The following ADGRB2 variants were observed in gnomAD, a reference collection of about 807,000 sequenced individuals.
The protein encoded by ADGRB2 is brain-specific angiogenesis inhibitor 2.
A neutral mutation model predicts 178.7 loss-of-function variants in ADGRB2; 47 were observed. The observed-to-expected ratio is 0.26, with a 90% CI of 0.21 to 0.34. The LOEUF (loss-of-function observed/expected upper bound fraction) is 0.34. Ranked by LOEUF, ADGRB2 falls within the 10% of genes least tolerant of loss-of-function variation. The pLI is 1.00. For synonymous variants in ADGRB2, 870 were observed against 912.4 expected (o/e 0.95, Z 0.84); for missense variants, 1,584 against 2,180.8 (o/e 0.73, Z 5.45).
chr1:31,755,795 C>T lies in ADGRB2; in HGVS notation c.838+204G>A, dbSNP rs1646800919. On this transcript the variant is annotated intron_variant, in intron 4 of 32. Coordinates refer to ENST00000373658, the MANE Select transcript of ADGRB2 (RefSeq NM_001364857.2). This position sits in a 1 kb window ranked among gnomAD's most constrained non-coding sequence, Gnocchi z 5.1. ...CCCTGCATTATCTGATCTGTGCCCC[C>T]ATTCATCTAGCCAGTCTGCAAACTC... Among the ~76,000 whole-genome samples the T allele has an allele frequency of 6.6e-6, 1 of 152,086 alleles. No individual in the cohort carries two copies.
chr1:31,739,728 A>G, intron 14 of ADGRB2, 93 bp from the exon 15 acceptor site: 1 of 1,414,446 alleles, frequency 7.1e-7, no homozygotes. Flanking sequence ...GGAAACACGT[A>G]CCAGGAAAGG....
At chr1:31,746,021 T>C (rs2148990360) in intron 4 of ADGRB2, among the ~76,000 whole-genome samples, 1 of 152,304 alleles carries the variant, frequency 6.6e-6, no homozygotes, top group East Asian at 1.9e-4. Context: ...CTCTGAAACC[T>C]GGACTCCCAG....
chr1:31,734,604 G>C (rs1645470547), intron 25 of ADGRB2, among the ~76,000 whole-genome samples: 1 of 152,184 alleles, frequency 6.6e-6, no homozygotes, highest in Non-Finnish European at 1.5e-5. Context: ...GGTCTTTGTG[G>C]ATTTGTTTTA....
chr1:31,745,531 G>A (rs906908790), intron 4 of ADGRB2, among the ~76,000 whole-genome samples: 2 of 152,206 alleles, frequency 1.3e-5, no homozygotes, highest in Admixed American at 6.5e-5. Flanking sequence ...TCCAAAGCCT[G>A]GCCCTCCTGC....
intron 3 of ADGRB2, among the ~76,000 whole-genome samples, 188 bp downstream of exon 3, chr1:31,757,013 T>C (rs1430496226): frequency 6.6e-6 from 1 of 152,196 alleles, no homozygotes; most frequent in African/African-American, 2.4e-5. Context: ...AATGGACCAA[T>C]GATAGGACCT....
rs532837304 is a variant in ADGRB2 at position 31,728,685 on chromosome 1, C to T, written c.4381-52G>A. 329 of 1,603,768 alleles carry T rather than the reference C, an allele frequency of 2.1e-4. 1 individual carries two copies. The South Asian group carries it at 2.7e-3, about 13-fold the overall frequency. On this transcript the variant is annotated intron_variant, in intron 29 of 32. Transcript: ENST00000373658. This position sits in a 1 kb window ranked among gnomAD's most constrained non-coding sequence, Gnocchi z 6.7. ...GGAGGAGAAGAAAGCTTTTTACCAC[C>T]GGCAGGGGCTTTAGAGACAGGAAGC...
intron 18 of ADGRB2, 142 bp from the exon 19 acceptor site, chr1:31,737,897 G>C (rs1645711070): frequency 1.2e-6 from 1 of 818,856 alleles, no homozygotes; most frequent in African/African-American, 1.7e-5. Flanking sequence ...TGTATGCACA[G>C]AACAGACCCG....
chr1:31,727,345 T>C lies in ADGRB2; in HGVS notation c.*75A>G, dbSNP rs1645038712. 2 of 1,475,900 alleles carry C rather than the reference T, an allele frequency of 1.4e-6. No homozygotes were observed. Among genetic ancestry groups the C allele is most frequent in the South Asian group, 1.4e-5 (1 of 71,984 alleles). 91.4% of individuals were successfully genotyped at this position (1,475,900 alleles called of 1,614,324 possible). The stretch of plus-strand genomic sequence containing the variant: ...GGAGAGGGGAGAGGGCGCTGGCTCC[T>C]GGGTAGTTCCAAAGTGGAGTGTGAA... On this transcript the variant is annotated 3_prime_UTR_variant, in exon 33 of 33. Transcript: ENST00000373658. This position sits in a 1 kb window ranked among gnomAD's most constrained non-coding sequence, Gnocchi z 4.4.
At chr1:31,752,770 G>GCCCCCT in intron 4 of ADGRB2, among the ~76,000 whole-genome samples, 1 of 152,200 alleles carries the variant, frequency 6.6e-6, no homozygotes, top group African/African-American at 2.4e-5. Context: ...CTCGATCAGG[G>GCCCCCT]GGTGACACAC....
chr1:31,728,188 C>G lies in ADGRB2; in HGVS notation c.4509G>C (p.Thr1503=). The change falls in exon 31 of 33, where the codon ACG becomes ACC. Residue 1503 remains threonine (T), a synonymous_variant. Transcript: ENST00000373658. The surrounding 1 kb of genome is among the most constrained non-coding windows in gnomAD (Gnocchi z 6.7). ...HTFDRYRSQS[T]AKREKRWSVS... ...CCACGGGAGGAGCCCTCACCTTGGCCGTGGACTGGCTGCGGTAGCGGTCGA... is the reference window on the plus strand; with the variant it reads ...CCACGGGAGGAGCCCTCACCTTGGCGGTGGACTGGCTGCGGTAGCGGTCGA... The G allele has an allele frequency of 6.2e-7, 1 of 1,614,148 alleles. No individual in the cohort carries two copies. The highest frequency in any genetic ancestry group is 8.5e-7 in the Non-Finnish European group (1 of 1,180,010).
In ADGRB2 at chr1:31,732,558, C is replaced by G. The variant is rs1285320444; in HGVS notation, c.3679G>C (p.Asp1227His). Residue 1227 changes from aspartate (D) to histidine (H), a missense_variant, in exon 27 of 33, where the codon GAC becomes CAC. Asp to His is a moderately conservative substitution (Grantham distance 81). Transcript: ENST00000373658. ...MGVCRADESE[D>H]SPDSCKNGQL... is the part of the protein sequence containing the mutation. ...CCGTTCTTACACGAGTCAGGGGAGT[C>G]TTCGCTCTCATCAGCCCGGCACACC... 2 of 1,614,174 alleles carry G rather than the reference C, an allele frequency of 1.2e-6. No individual in the cohort carries two copies. Among genetic ancestry groups the G allele is most frequent in the Admixed American group, 1.7e-5 (1 of 60,032 alleles).
At position 31,744,157 on chromosome 1, in the gene ADGRB2, T is replaced by C; in HGVS notation, c.1087+36A>G. 2 of 1,495,508 alleles carry C rather than the reference T, an allele frequency of 1.3e-6. No individual in the cohort carries two copies. Among genetic ancestry groups the C allele is most frequent in the Non-Finnish European group, 1.8e-6 (2 of 1,117,730 alleles). 92.6% of individuals were successfully genotyped at this position (1,495,508 alleles called of 1,614,324 possible). ...CCAAGTCCCAGGCAGGACCTAACCC[T>C]GCAGGCAGGTGGGGTGGGGAGGAGG... On this transcript the variant is annotated intron_variant, in intron 6 of 32. Transcript: ENST00000373658. The surrounding 1 kb of genome is among the most constrained non-coding windows in gnomAD (Gnocchi z 6.7).
In ADGRB2 at chr1:31,744,251, G is replaced by A. The variant is rs1343574637; in HGVS notation, c.1029C>T (p.Thr343=). The A allele has an allele frequency of 1.1e-5, 17 of 1,550,338 alleles. No individual in the cohort carries two copies. The highest frequency in any genetic ancestry group is 1.4e-5 in the Non-Finnish European group (16 of 1,146,284). Residue 343 remains threonine (T), a synonymous_variant, in exon 6 of 33, where the codon ACC becomes ACT. Transcript: ENST00000373658. This position sits in a 1 kb window ranked among gnomAD's most constrained non-coding sequence, Gnocchi z 6.7. ...TRSCVSSPYG[T]LCSGPLRETR... is the part of the protein sequence containing the mutation. The stretch of plus-strand genomic sequence containing the variant: ...TCTCCCGCAGGGGCCCGCTGCACAG[G>A]GTCCCATAGGGGGAGGACACACAGG...
rs367949844 is a variant in ADGRB2, at chr1:31,735,689, G to A, written c.3268-24C>T. ...ACCTGGGGGCCCAGTAGAGTGGAGT[G>A]GGGGAGACAGGATCACCAGGTGCCC... On this transcript the variant is annotated intron_variant, in intron 23 of 32. Transcript: ENST00000373658. This position sits in a 1 kb window ranked among gnomAD's most constrained non-coding sequence, Gnocchi z 6.0. 1.7e-5 allele frequency: 27 copies of A among 1,579,228 alleles called. No homozygotes were observed. The highest frequency in any genetic ancestry group is 5.1e-5 in the Admixed American group (3 of 58,366).
chr1:31,751,651 T>C (rs1051089898), intron 4 of ADGRB2, among the ~76,000 whole-genome samples: 1 of 152,220 alleles, frequency 6.6e-6, no homozygotes, highest in Non-Finnish European at 1.5e-5. Context: ...TTCAGATAAA[T>C]GATACTCTTT....
Position 31,756,230 on chromosome 1 carries a change from G to A in ADGRB2, c.607C>T (p.Arg203Cys), listed in dbSNP as rs764225428. 2.5e-6 allele frequency: 4 copies of A among 1,613,584 alleles called. No individual in the cohort carries two copies. Among genetic ancestry groups the A allele is most frequent in the Admixed American group, 3.3e-5 (2 of 60,034 alleles). ...SSQFTCGVLC[R>C]WSEECGRAAG... ...GCGCGGCCACACTCCTCACTCCAGC[G>A]GCAGAGCACACCACAGGTGAATTGG... The change falls in exon 4 of 33, where the codon CGC becomes TGC. Residue 203 changes from arginine (R) to cysteine (C), a missense_variant. Around this residue, in one of 3 missense-constraint regions of ADGRB2, gnomAD observed 657 missense variants for 847.6 expected, o/e 0.78. Coordinates refer to ENST00000373658, the MANE Select transcript of ADGRB2 (RefSeq NM_001364857.2). The surrounding 1 kb of genome is among the most constrained non-coding windows in gnomAD (Gnocchi z 8.5).
Position 31,753,479 on chromosome 1 carries a change from C to G in ADGRB2, c.838+2520G>C, listed in dbSNP as rs1646683240. Among the ~76,000 whole-genome samples, 1 of 152,230 alleles carries G rather than the reference C, an allele frequency of 6.6e-6. No homozygotes were observed. The highest frequency in any genetic ancestry group is 1.5e-5 in the Non-Finnish European group (1 of 68,042). ...CCAGCCCAAGCCCACCCTGCTAGGC[C>G]TCACTGTGGATCTTCCTCGGGGGTG... On this transcript the variant is annotated intron_variant, in intron 4 of 32. Transcript: ENST00000373658. This position sits in a 1 kb window ranked among gnomAD's most constrained non-coding sequence, Gnocchi z 4.1.
intron 26 of ADGRB2, among the ~76,000 whole-genome samples, 155 bp from the exon 27 acceptor site, chr1:31,732,767 G>A (rs1253237010): frequency 6.6e-6 from 1 of 152,254 alleles, no homozygotes; most frequent in Non-Finnish European, 1.5e-5. Context: ...GGGTGCAACG[G>A]GAGGAGGAGA....
intron 21 of ADGRB2, 78 bp from the exon 22 acceptor site, chr1:31,736,468 C>T: frequency 1.2e-6 from 2 of 1,603,670 alleles, no homozygotes; most frequent in East Asian, 2.2e-5. Flanking sequence ...CCCATCCCAG[C>T]TGACCCCTGT....
Sources: gnomAD v4.1 joint callset for allele counts (sites outside exome capture counted in the v4.1 genomes callset) on GRCh38, gnomAD v4.1.1 for gene constraint, gnomAD v4.1.1 regional missense constraint, Gnocchi (gnomAD v3.1) non-coding constraint, MANE v1.5 for transcripts, NCBI Gene and HGNC (gene_info 2026-07-23, HGNC 2026-07-21) for gene names.